The following FANCB variants were observed in gnomAD, a reference collection of about 807,000 sequenced individuals.
The protein encoded by FANCB is Fanconi anemia group B protein.
FANCB carries 5 observed loss-of-function variants against 38.9 expected under a neutral mutation model. The ratio of observed to expected loss-of-function variants is 0.13; its 90% CI spans 0.07 to 0.27. The LOEUF is 0.27. Among genes scored for constraint, FANCB ranks in the 10% least tolerant of loss-of-function variants. The pLI, the probability that FANCB is intolerant of heterozygous loss-of-function variation, is 1.00. For missense variants in FANCB, 573 were observed against 602.7 expected (o/e 0.95, Z 0.52); for synonymous variants, 236 against 215.4 (o/e 1.10, Z -0.84).
intron 1 of FANCB, among the ~76,000 whole-genome samples, chrX:14,870,826 G>A (rs1421819300): frequency 4.5e-5 from 5 of 111,492 alleles, no homozygotes; most frequent in Non-Finnish European, 9.4e-5. Context: ...CATCCAAAAA[G>A]TCTAAGAAAC....
In FANCB at chrX:14,844,556, G is replaced by A; in HGVS notation, c.2112C>T (p.Leu704=). The A allele has an allele frequency of 2.4e-5, 29 of 1,208,693 alleles. No homozygotes were observed. Among genetic ancestry groups the A allele is most frequent in the Non-Finnish European group, 3.1e-5 (28 of 892,732 alleles). ...CERPGSFYGT[L]FTWKQRTPFE... is the part of the protein sequence containing the mutation. ...ATGGTGTTCTCTGTTTCCAAGTGAA[G>A]AGTGTCCCATAGAAACTTCCCGGTC... is the stretch of plus-strand genomic sequence containing the variant. Residue 704 remains leucine, a synonymous_variant, in exon 9 of 10, where the codon CTC becomes CTT. Coordinates refer to ENST00000650831, the MANE Select transcript of FANCB (RefSeq NM_001018113.3).
rs771958941 is a variant in FANCB at position 14,843,925 on chromosome X, T to A, written c.2222A>T (p.Asn741Ile). 8 of 1,199,436 alleles carry A rather than the reference T, an allele frequency of 6.7e-6. No homozygotes were observed. In the South Asian group the frequency reaches 1.2e-4, roughly 19 times the overall value. ...LHNLIRILPI[N>I]CFLKNLKSGS... ...TGATTTTAGATTTTTGAGGAAACAG[T>A]TTATAGGGAGAATTCTGATGAGATT... The change falls in exon 10 of 10, where the codon AAC becomes ATC. Residue 741 changes from asparagine to isoleucine, a missense_variant. By Grantham distance (149) the Asn-to-Ile change is moderately radical (BLOSUM62 -3). Transcript: ENST00000650831.
chrX:14,774,522 A>G, the FANCB span, among the ~76,000 whole-genome samples: 2 of 112,257 alleles, frequency 1.8e-5, no homozygotes, highest in Non-Finnish European at 3.8e-5. Context: ...AGTTGGCTCC[A>G]TACTTCACAG....
chrX:14,841,480 A>G (rs778409089), downstream of FANCB, among the ~76,000 whole-genome samples: 5 of 112,367 alleles, frequency 4.4e-5, no homozygotes, highest in East Asian at 1.4e-3. Flanking sequence ...TGAGTAGTCA[A>G]TTCTACATGG....
the FANCB span, among the ~76,000 whole-genome samples, chrX:14,820,161 G>A: frequency 1.8e-5 from 2 of 110,315 alleles, no homozygotes; most frequent in African/African-American, 6.6e-5. Flanking sequence ...TCTCTTCCTG[G>A]AAAACACTAA....
the FANCB span, among the ~76,000 whole-genome samples, chrX:14,711,417 T>G: frequency 8.9e-6 from 1 of 112,127 alleles, no homozygotes; most frequent in African/African-American, 3.2e-5. Context: ...AGTGAGGACT[T>G]GAGTTGAACA....
At chrX:14,784,293 T>C in the FANCB span, among the ~76,000 whole-genome samples, 1 of 112,555 alleles carries the variant, frequency 8.9e-6, no homozygotes, top group Non-Finnish European at 1.9e-5. Context: ...TGGGCTACAG[T>C]CAAGGTGTTG....
At chrX:14,871,034 T>A (rs1354806778) in intron 1 of FANCB, among the ~76,000 whole-genome samples, 6 of 111,503 alleles carry the variant, frequency 5.4e-5, no homozygotes, top group Non-Finnish European at 9.4e-5. Flanking sequence ...AAAAGTTTTT[T>A]TCTCCCTACA....
chrX:14,809,437 G>A, the FANCB span, among the ~76,000 whole-genome samples: 1 of 112,045 alleles, frequency 8.9e-6, no homozygotes, highest in Admixed American at 9.4e-5. Context: ...CAAAGAAAGG[G>A]GTGACAGATG....
At chrX:14,760,324 C>T in the FANCB span, among the ~76,000 whole-genome samples, 1 of 111,842 alleles carries the variant, frequency 8.9e-6, no homozygotes. Context: ...CACATGATCT[C>T]ACTCATATGT....
the FANCB span, among the ~76,000 whole-genome samples, chrX:14,765,020 C>T: frequency 8.9e-6 from 1 of 111,991 alleles, no homozygotes; most frequent in Admixed American, 9.4e-5. Flanking sequence ...AATGAGTAAT[C>T]GTTTAGCATA....
At chrX:14,835,416 G>A (rs1380551846), downstream of FANCB, 1 of 342,465 alleles carries the variant, frequency 2.9e-6, no homozygotes, top group African/African-American at 2.7e-5. Context: ...ATCACACCTG[G>A]GCGGGTGATT....
the FANCB span, among the ~76,000 whole-genome samples, chrX:14,813,264 G>C: frequency 9.5e-6 from 1 of 105,736 alleles, no homozygotes; most frequent in Non-Finnish European, 1.9e-5. Context: ...ACAAGACAGG[G>C]ATGCCCTCTC....
chrX:14,695,005 T>C, the FANCB span, among the ~76,000 whole-genome samples: 6 of 112,107 alleles, frequency 5.4e-5, no homozygotes, highest in African/African-American at 1.6e-4. Flanking sequence ...CAGATGCCCA[T>C]GAGACATCTC....
the FANCB span, among the ~76,000 whole-genome samples, chrX:14,796,478 T>C: frequency 3.0e-5 from 3 of 98,502 alleles, no homozygotes; most frequent in Admixed American, 1.2e-4. Flanking sequence ...ATAGATTATA[T>C]ATATAACATA....
chrX:14,819,729 T>C, the FANCB span, among the ~76,000 whole-genome samples: 1 of 112,363 alleles, frequency 8.9e-6, no homozygotes, highest in Non-Finnish European at 1.9e-5. Context: ...ACTCAATGTC[T>C]GCCTGAATAG....
Position 14,865,204 on chromosome X carries a change from T to C in FANCB, c.307A>G (p.Asn103Asp), listed in dbSNP as rs776604406. Residue 103 changes from asparagine to aspartate, a missense_variant, in exon 3 of 10, where the codon AAT becomes GAT. By Grantham distance (23) the Asn-to-Asp change is conservative. Transcript: ENST00000650831. ...ATTAGTAAAAAATATTCAAAAACATTATTCTTTTTATTTTTTTCTATCACA... is the reference window on the plus strand; with the variant it reads ...ATTAGTAAAAAATATTCAAAAACATCATTCTTTTTATTTTTTTCTATCACA... ...YIVIEKNKKN[N>D]VFEYFLLILH... 3.5e-6 allele frequency: 4 copies of C among 1,158,421 alleles called. No homozygotes were observed. Among genetic ancestry groups the C allele is most frequent in the Non-Finnish European group, 4.6e-6 (4 of 869,494 alleles).
chrX:14,692,251 C>T, the FANCB span, among the ~76,000 whole-genome samples: 1 of 112,344 alleles, frequency 8.9e-6, no homozygotes, highest in Non-Finnish European at 1.9e-5. Flanking sequence ...CTGTACATTA[C>T]CTTTTAATGT....
At chrX:14,692,218 AACAAGC>A in the FANCB span, among the ~76,000 whole-genome samples, 3 of 112,159 alleles carry the variant, frequency 2.7e-5, no homozygotes, top group Middle Eastern at 4.2e-3. Flanking sequence ...AAAACAAGTA[AACAAGC>A]ACAAATATCC....
Sources: gnomAD v4.1 joint callset for allele counts (sites outside exome capture counted in the v4.1 genomes callset) on GRCh38, gnomAD v4.1.1 for gene constraint, MANE v1.5 for transcripts, NCBI Gene and HGNC (gene_info 2026-07-23, HGNC 2026-07-21) for gene names.